Variants in TNFSF4 observed in about 807,000 individuals in gnomAD.
The protein encoded by TNFSF4 is tumor necrosis factor ligand superfamily member 4.
TNFSF4 carries 4 observed loss-of-function variants against 7.3 expected under a neutral mutation model. That is an observed-to-expected ratio of 0.55 (90% CI 0.27 to 1.25). TNFSF4 has a LOEUF of 1.25. TNFSF4 is among the 50% of genes most tolerant of loss of function. The pLI is 0.12. For missense variants in TNFSF4, 181 were observed against 208.8 expected (o/e 0.87, Z 0.82); for synonymous variants, 76 against 83.7 (o/e 0.91, Z 0.50).
chr1:173,399,165 G>C, the TNFSF4 span, among the ~76,000 whole-genome samples: 1 of 151,996 alleles, frequency 6.6e-6, no homozygotes, highest in Non-Finnish European at 1.5e-5. Flanking sequence ...CAGGCCCTGA[G>C]GCACAAGTAA....
the TNFSF4 span, chr1:173,362,424 A>G: frequency 4.2e-6 from 2 of 472,868 alleles, no homozygotes; most frequent in Non-Finnish European, 8.3e-6. Flanking sequence ...TTCCTTCTTC[A>G]TCCAGAGTCT....
the TNFSF4 span, among the ~76,000 whole-genome samples, chr1:173,295,642 T>G: frequency 0.02 from 3,083 of 152,090 alleles, 103 homozygotes; most frequent in African/African-American, 0.071. Flanking sequence ...TGAAGAGAGC[T>G]GACATAAACA....
At chr1:173,328,558 AC>A in the TNFSF4 span, among the ~76,000 whole-genome samples, 11,296 of 142,452 alleles carry the variant, frequency 0.079, 613 homozygotes, top group African/African-American at 0.16. Flanking sequence ...AAAAAAGTTT[AC>A]CCCCCCCCAA....
chr1:173,265,873 G>A, the TNFSF4 span, among the ~76,000 whole-genome samples: 8 of 151,974 alleles, frequency 5.3e-5, no homozygotes, highest in Admixed American at 4.6e-4. Flanking sequence ...TGCTTCCTCC[G>A]ATATTGTATC....
the TNFSF4 span, among the ~76,000 whole-genome samples, chr1:173,407,830 T>TA: frequency 1.3e-5 from 2 of 152,142 alleles, no homozygotes; most frequent in Non-Finnish European, 2.9e-5. Context: ...TGACAGTTTT[T>TA]ATCCCCTACA....
chr1:173,303,899 A>C, the TNFSF4 span, among the ~76,000 whole-genome samples: 1 of 151,934 alleles, frequency 6.6e-6, no homozygotes, highest in Non-Finnish European at 1.5e-5. Flanking sequence ...TTTACTTTTC[A>C]ATGACTACAC....
chr1:173,227,602 T>A, the TNFSF4 span, among the ~76,000 whole-genome samples: 4 of 152,144 alleles, frequency 2.6e-5, no homozygotes, highest in African/African-American at 9.7e-5. Flanking sequence ...GAGCAGTGGG[T>A]GCAGCCCAGC....
chr1:173,386,945 A>C, the TNFSF4 span, among the ~76,000 whole-genome samples: 1 of 152,126 alleles, frequency 6.6e-6, no homozygotes, highest in Admixed American at 6.5e-5. Context: ...TGTCTGTCCT[A>C]CTTGTATTTT....
the TNFSF4 span, chr1:173,417,677 C>T: frequency 6.6e-6 from 1 of 152,150 alleles, no homozygotes; most frequent in Non-Finnish European, 1.5e-5. Context: ...ATCTCACCTC[C>T]GTCTTCACCT....
chr1:173,450,713 A>T, the TNFSF4 span, among the ~76,000 whole-genome samples: 2 of 146,598 alleles, frequency 1.4e-5, no homozygotes, highest in South Asian at 4.5e-4. Context: ...AGTTTAGAAT[A>T]AATTCAGTAA....
chr1:173,263,498 C>A, the TNFSF4 span, among the ~76,000 whole-genome samples: 1 of 152,162 alleles, frequency 6.6e-6, no homozygotes, highest in African/African-American at 2.4e-5. Context: ...GACCCTCCTG[C>A]AATTTTTTTG....
chr1:173,240,019 C>A, the TNFSF4 span, among the ~76,000 whole-genome samples: 5 of 151,868 alleles, frequency 3.3e-5, no homozygotes, highest in African/African-American at 1.2e-4. Context: ...TGACAGAGCA[C>A]GACTCTGTCT....
At chr1:173,403,615 C>T in the TNFSF4 span, among the ~76,000 whole-genome samples, 40 of 152,252 alleles carry the variant, frequency 2.6e-4, no homozygotes, top group Admixed American at 1.1e-3. Context: ...GTCTTTCAAG[C>T]GTTTTCAGCT....
At chr1:173,433,996 C>T in the TNFSF4 span, among the ~76,000 whole-genome samples, 1 of 152,152 alleles carries the variant, frequency 6.6e-6, no homozygotes, top group African/African-American at 2.4e-5. Context: ...AGTTATGCTG[C>T]CACAAGCTAC....
chr1:173,255,124 T>C, the TNFSF4 span, among the ~76,000 whole-genome samples: 1 of 152,206 alleles, frequency 6.6e-6, no homozygotes, highest in Non-Finnish European at 1.5e-5. Context: ...CTAATTGAGA[T>C]AGGCAAAAAC....
the TNFSF4 span, among the ~76,000 whole-genome samples, chr1:173,359,791 T>C: frequency 6.6e-6 from 1 of 152,236 alleles, no homozygotes; most frequent in Non-Finnish European, 1.5e-5. Flanking sequence ...TCAGGACACA[T>C]AGAGAAAGTG....
chr1:173,206,986 G>A (rs1018049012), intron 1 of TNFSF4, 38 bp downstream of exon 1: 1 of 1,565,924 alleles, frequency 6.4e-7, no homozygotes, highest in Admixed American at 1.7e-5. Flanking sequence ...CCATCAGCAT[G>A]AGCTGGTGGG....
the TNFSF4 span, among the ~76,000 whole-genome samples, chr1:173,323,705 C>T: frequency 1.3e-4 from 20 of 152,056 alleles, 1 homozygote; most frequent in Admixed American, 1.2e-3. Context: ...ACGAGAACTA[C>T]ATGATGAATG....
chr1:173,379,979 C>T, the TNFSF4 span, among the ~76,000 whole-genome samples: 1 of 152,190 alleles, frequency 6.6e-6, no homozygotes, highest in South Asian at 2.1e-4. Context: ...CCAGGGCAAG[C>T]GCCAGCTCAT....
Sources: allele counts gnomAD v4.1 joint callset (sites outside exome capture counted in the v4.1 genomes callset), GRCh38; gene constraint gnomAD v4.1.1; transcripts MANE v1.5; gene names NCBI Gene and HGNC (gene_info 2026-07-23, HGNC 2026-07-21).